ACBD5: variants seen among roughly 807,000 people sequenced by gnomAD.
The protein encoded by ACBD5 is acyl-CoA-binding domain-containing protein 5.
ACBD5 carries 40 observed loss-of-function variants against 71.8 expected under a neutral mutation model. That is an observed-to-expected ratio of 0.56 (90% confidence interval 0.43 to 0.72). The LOEUF (loss-of-function observed/expected upper bound fraction) is 0.72, where lower values mean the gene tolerates loss of function less well. Ranked by LOEUF, ACBD5 falls within the 30% of genes least tolerant of loss-of-function variation. ACBD5 has a pLI of 0.00. For missense variants in ACBD5, 559 were observed against 644.5 expected (o/e 0.87, Z 1.44); for synonymous variants, 229 against 218.6 (o/e 1.05, Z -0.42).
chr10:27,240,045 G>A lies in ACBD5; in HGVS notation c.181+274C>T, dbSNP rs1330649759. ...TTACAGGCTTGAGCCACCGCGCCCGGCCCGGATTTATTTTTTAACACACCC... is the reference window on the plus strand; with the variant it reads ...TTACAGGCTTGAGCCACCGCGCCCGACCCGGATTTATTTTTTAACACACCC... On this transcript the variant is annotated intron_variant, in intron 2 of 12. Transcript: ENST00000396271. This position sits in a 1 kb window ranked among gnomAD's most constrained non-coding sequence, Gnocchi z 4.1. Among the ~76,000 whole-genome samples the A allele has an allele frequency of 1.3e-5, 2 of 152,224 alleles. No individual in the cohort carries two copies. The highest frequency in any genetic ancestry group is 2.1e-4 in the South Asian group (1 of 4,826).
At chr10:27,226,358 G>C (rs1482506238) in intron 4 of ACBD5, among the ~76,000 whole-genome samples, 2 of 151,496 alleles carry the variant, frequency 1.3e-5, no homozygotes, top group Admixed American at 1.3e-4. Context: ...CACAAACCAA[G>C]AATGATCCCC....
At chr10:27,236,905 A>T (rs1324754689) in intron 2 of ACBD5, among the ~76,000 whole-genome samples, 2 of 142,598 alleles carry the variant, frequency 1.4e-5, no homozygotes, top group Non-Finnish European at 3.1e-5. Context: ...AAAAAAAAAA[A>T]GCTGTGCTGT....
chr10:27,231,887 A>C, intron 3 of ACBD5, 67 bp from the exon 4 acceptor site: 1 of 1,425,904 alleles, frequency 7.0e-7, no homozygotes, highest in Non-Finnish European at 9.9e-7. Context: ...AATACAATTT[A>C]TAGTTGATGC....
intron 4 of ACBD5, among the ~76,000 whole-genome samples, chr10:27,231,032 A>G (rs1354612225): frequency 6.6e-6 from 1 of 152,168 alleles, no homozygotes; most frequent in Non-Finnish European, 1.5e-5. Flanking sequence ...AAGAATACCT[A>G]CCTCAATTTA....
intron 4 of ACBD5, among the ~76,000 whole-genome samples, chr10:27,226,678 G>C (rs1044778157): frequency 6.7e-6 from 1 of 149,064 alleles, no homozygotes; most frequent in Admixed American, 6.7e-5. Flanking sequence ...TTGCGACAGC[G>C]TCTCACTCTG....
At chr10:27,219,173 A>G (rs1259098234) in intron 6 of ACBD5, among the ~76,000 whole-genome samples, 1 of 151,998 alleles carries the variant, frequency 6.6e-6, no homozygotes, top group South Asian at 2.1e-4. Context: ...GTGGTGGTGC[A>G]TGCCTGTAAT....
At chr10:27,201,164 A>AATAG (rs2059889543) in intron 12 of ACBD5, among the ~76,000 whole-genome samples, 1 of 152,216 alleles carries the variant, frequency 6.6e-6, no homozygotes, top group Non-Finnish European at 1.5e-5. Context: ...CCTTGTCTCA[A>AATAG]ATAGATAAAT....
chr10:27,188,480 G>C (rs528502020), intron 13 of ACBD5, among the ~76,000 whole-genome samples: 1 of 152,298 alleles, frequency 6.6e-6, no homozygotes, highest in Admixed American at 6.5e-5. Flanking sequence ...TGGAGAGTTG[G>C]AATGAACAGA....
intron 13 of ACBD5, chr10:27,186,310 A>T: frequency 7.0e-7 from 1 of 1,421,744 alleles, no homozygotes; most frequent in African/African-American, 1.4e-5. Context: ...TCTTTTTATA[A>T]TAATTCCTGT....
In ACBD5 at chr10:27,211,025, A is replaced by G. The variant is rs781685284; in HGVS notation, c.993T>C (p.His331=). 1.2e-6 allele frequency: 2 copies of G among 1,614,160 alleles called. No homozygotes were observed. Among genetic ancestry groups the G allele is most frequent in the Non-Finnish European group, 1.7e-6 (2 of 1,180,010 alleles). The change falls in exon 9 of 13, where the codon CAT becomes CAC. Residue 331 remains histidine (H), a synonymous_variant. Coordinates refer to ENST00000396271, the MANE Select transcript of ACBD5 (RefSeq NM_145698.5). The part of the protein sequence containing the change: ...NGPFQYYLGG[H]SSQPMENSGF... Reference sequence around the variant, plus strand: ...CAGAATTTTCCATGGGTTGACTGGAATGACCACCCAAGTAATACTGAAATG... The same window carrying G: ...CAGAATTTTCCATGGGTTGACTGGAGTGACCACCCAAGTAATACTGAAATG...
chr10:27,225,275 G>A (rs369811279), intron 4 of ACBD5, among the ~76,000 whole-genome samples: 4 of 152,024 alleles, frequency 2.6e-5, no homozygotes, highest in African/African-American at 9.7e-5. Context: ...TAGCCACTGC[G>A]CCTGGCCAAA....
At chr10:27,201,440 C>T (rs144667310) in intron 12 of ACBD5, among the ~76,000 whole-genome samples, 83 of 151,994 alleles carry the variant, frequency 5.5e-4, no homozygotes, top group African/African-American at 1.8e-3. Flanking sequence ...TATTATTCTA[C>T]GCTAGAAAAA....
rs2059436579 is a variant in ACBD5 at position 27,197,030 on chromosome 10, G to GA, written c.*399dup. On this transcript the variant is annotated 3_prime_UTR_variant, in exon 13 of 13. Coordinates refer to ENST00000396271, the MANE Select transcript of ACBD5 (RefSeq NM_145698.5). The stretch of plus-strand genomic sequence containing the variant: ...TGCATTCTTTCTTTTATTTAATTTA[G>GA]AAAATTAAAAATAATAACTTATAAA... 2.3e-6 allele frequency: 1 copy of GA among 442,864 alleles called. No homozygotes were observed. The highest frequency in any genetic ancestry group is 4.5e-6 in the Non-Finnish European group (1 of 222,654). 27.4% of individuals were successfully genotyped at this position (442,864 alleles called of 1,614,324 possible).
chr10:27,232,914 G>A (rs2064087311), intron 3 of ACBD5, among the ~76,000 whole-genome samples: 1 of 151,960 alleles, frequency 6.6e-6, no homozygotes, highest in Non-Finnish European at 1.5e-5. Context: ...TTCTTAAAAT[G>A]GGCAAATCAA....
At chr10:27,228,812 TATA>T (rs200243339) in intron 4 of ACBD5, among the ~76,000 whole-genome samples, 86 of 5,186 alleles carry the variant, frequency 0.017, no homozygotes, top group African/African-American at 0.032. Context: ...TATATATATA[TATA>T]TTTTTTTTTT....
intron 3 of ACBD5, among the ~76,000 whole-genome samples, chr10:27,233,000 T>G (rs2064101227): frequency 6.6e-6 from 1 of 152,204 alleles, no homozygotes; most frequent in East Asian, 1.9e-4. Context: ...TCATTTAACC[T>G]GTTATTTTGT....
rs1312956789 is a variant in ACBD5, at chr10:27,240,547, CG to C, written c.16-64del. On this transcript the variant is annotated intron_variant, in intron 1 of 12. Coordinates refer to ENST00000396271, the MANE Select transcript of ACBD5 (RefSeq NM_145698.5). The surrounding 1 kb of genome is among the most constrained non-coding windows in gnomAD (Gnocchi z 4.1). ...AAAAGGAGGAGGCCCGGGAGCGAAG[CG>C]GGTCAGTTCCCCTTTGCCCTGCCCT... The C allele has an allele frequency of 3.2e-6, 5 of 1,550,120 alleles. No homozygotes were observed. The highest frequency in any genetic ancestry group is 1.2e-5 in the South Asian group (1 of 84,546).
intron 4 of ACBD5, among the ~76,000 whole-genome samples, chr10:27,231,028 A>G (rs1039828960): frequency 9.9e-5 from 15 of 152,186 alleles, no homozygotes; most frequent in Non-Finnish European, 2.1e-4. Flanking sequence ...GGAAAAGAAT[A>G]CCTACCTCAA....
chr10:27,205,310 T>C (rs2060373980), intron 10 of ACBD5, 62 bp from the exon 11 acceptor site: 1 of 1,528,480 alleles, frequency 6.5e-7, no homozygotes, highest in South Asian at 1.1e-5. Flanking sequence ...AATTATTCTA[T>C]TTCCTATCTT....
Sources: gnomAD v4.1 joint callset for allele counts (sites outside exome capture counted in the v4.1 genomes callset) on GRCh38, gnomAD v4.1.1 for gene constraint, Gnocchi (gnomAD v3.1) non-coding constraint, MANE v1.5 for transcripts, NCBI Gene and HGNC (gene_info 2026-07-23, HGNC 2026-07-21) for gene names.